The following ITGA8 variants were observed in gnomAD, a reference collection of about 807,000 sequenced individuals.
ITGA8 encodes integrin subunit alpha 8.
In ITGA8, 91 loss-of-function variants were observed where a neutral mutation model predicts 142.3. The observed-to-expected ratio is 0.64, with a 90% confidence interval of 0.54 to 0.76. The LOEUF is 0.76. ITGA8 is among the 30% of genes least tolerant of loss of function. ITGA8 has a pLI of 0.00. For missense variants in ITGA8, 1,406 were observed against 1,327.7 expected, an observed-to-expected ratio of 1.06 and a Z score of -0.92; for synonymous variants, 505 against 485.2, an observed-to-expected ratio of 1.04 and a Z score of -0.54.
At chr10:15,531,386 C>G (rs1252606313) in intron 27 of ITGA8, among the ~76,000 whole-genome samples, 1 of 152,068 alleles carries the variant, frequency 6.6e-6, no homozygotes, top group Non-Finnish European at 1.5e-5. Flanking sequence ...ATCCATCTAT[C>G]CAAGCATCCA....
At chr10:15,641,566 T>C (rs977092514) in intron 13 of ITGA8, among the ~76,000 whole-genome samples, 1 of 152,054 alleles carries the variant, frequency 6.6e-6, no homozygotes, top group Non-Finnish European at 1.5e-5. Context: ...TCACAAGATA[T>C]CCATATTCCT....
chr10:15,553,352 C>G (rs1256528044), intron 26 of ITGA8, among the ~76,000 whole-genome samples: 2 of 144,322 alleles, frequency 1.4e-5, no homozygotes, highest in African/African-American at 5.1e-5. Context: ...CTACTTCTAT[C>G]ATAACAAATG....
At position 15,516,797 on chromosome 10, in the gene ITGA8, T is replaced by G; in HGVS notation, c.*361A>C. 1 of 171,016 alleles carries G rather than the reference T, an allele frequency of 5.8e-6. No individual in the cohort carries two copies. The allele number at this position is 171,016 out of a possible 1,614,324, so 10.6% of individuals were successfully genotyped here. A position where few individuals can be genotyped will look rare whatever the true frequency, so the allele number is the denominator to read the frequency against. On this transcript the variant is annotated 3_prime_UTR_variant, in exon 30 of 30. Coordinates refer to ENST00000378076, the MANE Select transcript of ITGA8 (RefSeq NM_003638.3). Reference sequence around the variant, plus strand: ...TTTCACCTTAGTTCACCTTGTAAATTCTATAGTGATTCAGACATTTCATCT... The same window carrying G: ...TTTCACCTTAGTTCACCTTGTAAATGCTATAGTGATTCAGACATTTCATCT...
intron 13 of ITGA8, among the ~76,000 whole-genome samples, chr10:15,622,222 CTG>C (rs1369175945): frequency 6.6e-6 from 1 of 152,068 alleles, no homozygotes; most frequent in Non-Finnish European, 1.5e-5. Context: ...GGAGCAGTCT[CTG>C]TGGCCACCCA....
intron 27 of ITGA8, among the ~76,000 whole-genome samples, chr10:15,543,783 C>A (rs759122071): frequency 6.6e-6 from 1 of 152,056 alleles, no homozygotes; most frequent in Non-Finnish European, 1.5e-5. Context: ...CGTAATATGA[C>A]CTTATTTGGA....
chr10:15,568,090 T>C (rs1841998470), intron 25 of ITGA8, among the ~76,000 whole-genome samples: 1 of 152,026 alleles, frequency 6.6e-6, no homozygotes, highest in African/African-American at 2.4e-5. Flanking sequence ...CCTGGCTAAT[T>C]TATTTTTATT....
At chr10:15,667,275 A>G (rs184791169) in intron 8 of ITGA8, among the ~76,000 whole-genome samples, 125 of 151,532 alleles carry the variant, frequency 8.2e-4, no homozygotes, top group African/African-American at 2.8e-3. Context: ...GAATTTATCC[A>G]TTTCTTCTAG....
At chr10:15,538,931 C>A (rs1487413235) in intron 27 of ITGA8, among the ~76,000 whole-genome samples, 3 of 148,368 alleles carry the variant, frequency 2.0e-5, no homozygotes, top group Non-Finnish European at 3.0e-5. Context: ...TTCAAGAAAC[C>A]ACCTGACATT....
At chr10:15,524,242 A>C (rs1833124020) in intron 28 of ITGA8, among the ~76,000 whole-genome samples, 1 of 152,210 alleles carries the variant, frequency 6.6e-6, no homozygotes, top group Non-Finnish European at 1.5e-5. Flanking sequence ...AGGCTTTTGC[A>C]GCATAGTCTA....
At chr10:15,698,093 T>C (rs1287701157) in intron 2 of ITGA8, among the ~76,000 whole-genome samples, 2 of 152,136 alleles carry the variant, frequency 1.3e-5, no homozygotes, top group African/African-American at 2.4e-5. Flanking sequence ...CCAAAGTCCA[T>C]TGTGTCATTC....
chr10:15,602,946 T>G (rs1302158080), intron 20 of ITGA8, among the ~76,000 whole-genome samples: 1 of 150,166 alleles, frequency 6.7e-6, no homozygotes, highest in Non-Finnish European at 1.5e-5. Flanking sequence ...AATTTAGGAC[T>G]ATTTTTTTAA....
chr10:15,583,779 T>C (rs987329430), intron 23 of ITGA8, among the ~76,000 whole-genome samples: 1 of 152,190 alleles, frequency 6.6e-6, no homozygotes, highest in African/African-American at 2.4e-5. Flanking sequence ...TTGTATGTTC[T>C]TTTGATGTCA....
intron 15 of ITGA8, among the ~76,000 whole-genome samples, chr10:15,610,210 A>G (rs1423100368): frequency 6.6e-6 from 1 of 152,152 alleles, no homozygotes; most frequent in Non-Finnish European, 1.5e-5. Context: ...TGAAGTCATA[A>G]TTTTTCAAAC....
intron 22 of ITGA8, among the ~76,000 whole-genome samples, chr10:15,587,491 A>G (rs930779509): frequency 2.6e-5 from 4 of 152,234 alleles, no homozygotes; most frequent in Non-Finnish European, 5.9e-5. Context: ...CAGCAATTTC[A>G]TCTTCCTAAC....
intron 2 of ITGA8, among the ~76,000 whole-genome samples, chr10:15,693,781 G>C (rs113993727): frequency 6.6e-6 from 1 of 152,142 alleles, no homozygotes; most frequent in Non-Finnish European, 1.5e-5. Context: ...AGTCACGAAG[G>C]TTCCATGAGA....
intron 22 of ITGA8, among the ~76,000 whole-genome samples, chr10:15,587,157 A>C (rs1194306189): frequency 6.6e-6 from 1 of 151,954 alleles, no homozygotes; most frequent in Non-Finnish European, 1.5e-5. Flanking sequence ...TCTTGACCTC[A>C]TGATCTGCCC....
At chr10:15,517,292 G>A in intron 29 of ITGA8, 48 bp from the exon 30 acceptor site, 7 of 1,243,370 alleles carry the variant, frequency 5.6e-6, no homozygotes, top group Non-Finnish European at 6.9e-6. Context: ...CTGGGAACCT[G>A]TGAAACCCCT....
chr10:15,644,539 G>A (rs551130223), intron 12 of ITGA8, among the ~76,000 whole-genome samples: 1 of 133,934 alleles, frequency 7.5e-6, no homozygotes, highest in South Asian at 2.4e-4. Flanking sequence ...TTGTTGCCCA[G>A]GATGGTCTGG....
At chr10:15,645,216 A>T (rs1193328823) in intron 12 of ITGA8, among the ~76,000 whole-genome samples, 7 of 151,784 alleles carry the variant, frequency 4.6e-5, no homozygotes, top group African/African-American at 1.7e-4. Flanking sequence ...TCTCTAAGTC[A>T]CTGCCTTGAC....
Sources: gnomAD v4.1 joint callset for allele counts (sites outside exome capture counted in the v4.1 genomes callset) on GRCh38, gnomAD v4.1.1 for gene constraint, MANE v1.5 for transcripts, NCBI Gene and HGNC (gene_info 2026-07-23, HGNC 2026-07-21) for gene names.